The following SLC6A6 variants were observed in gnomAD, a reference collection of about 807,000 sequenced individuals.
The protein encoded by SLC6A6 is solute carrier family 6 member 6, also known as sodium- and chloride-dependent taurine transporter.
In SLC6A6, 16 loss-of-function variants were observed where a neutral mutation model predicts 68.8. That is an observed-to-expected ratio of 0.23 (90% CI 0.16 to 0.35). The LOEUF is 0.35. Among genes scored for constraint, SLC6A6 ranks in the 10% least tolerant of loss-of-function variants. SLC6A6 has a pLI of 1.00. For synonymous variants in SLC6A6, 312 were observed against 315.4 expected (o/e 0.99, Z 0.12); for missense variants, 474 against 802.8 (o/e 0.59, Z 4.95).
At chr3:14,441,583 G>A (rs1198563508) in intron 2 of SLC6A6, among the ~76,000 whole-genome samples, 2 of 152,222 alleles carry the variant, frequency 1.3e-5, no homozygotes, top group Non-Finnish European at 2.9e-5. Flanking sequence ...CCCCGAGCCA[G>A]GGAGAGGAAG....
chr3:14,420,567 T>C (rs1699464011), intron 2 of SLC6A6, among the ~76,000 whole-genome samples: 1 of 150,070 alleles, frequency 6.7e-6, no homozygotes, highest in Admixed American at 6.7e-5. Flanking sequence ...CATAGCTCGC[T>C]ACAGCCTTGA....
intron 6 of SLC6A6, among the ~76,000 whole-genome samples, chr3:14,458,405 A>C (rs1467580341): frequency 6.6e-6 from 1 of 152,204 alleles, no homozygotes; most frequent in Non-Finnish European, 1.5e-5. Flanking sequence ...TCTCATCTCA[A>C]GGTATTGGCA....
chr3:14,463,841 G>A (rs943366284), intron 6 of SLC6A6, among the ~76,000 whole-genome samples: 1 of 152,172 alleles, frequency 6.6e-6, no homozygotes, highest in Admixed American at 6.5e-5. Flanking sequence ...GCAGCAGTAG[G>A]GCCCAGCCTG....
chr3:14,453,359 C>T (rs927322226), intron 5 of SLC6A6, among the ~76,000 whole-genome samples: 1 of 152,180 alleles, frequency 6.6e-6, no homozygotes, highest in South Asian at 2.1e-4. Flanking sequence ...ATGAGACAGA[C>T]GAGGAAGCTG....
chr3:14,402,595 T>C (rs1270233538), upstream of SLC6A6: 3 of 396,802 alleles, frequency 7.6e-6, no homozygotes, highest in Non-Finnish European at 1.3e-5. The surrounding 1 kb of genome is among the most constrained non-coding windows in gnomAD (Gnocchi z 4.8). Flanking sequence ...CCCAGCAGGA[T>C]GGGTGATGCT....
At chr3:14,456,647 G>A (rs1401842663) in intron 5 of SLC6A6, among the ~76,000 whole-genome samples, 2 of 152,234 alleles carry the variant, frequency 1.3e-5, no homozygotes, top group East Asian at 1.9e-4. Flanking sequence ...GTAATCCCAC[G>A]GACTGGCTGA....
intron 1 of SLC6A6, among the ~76,000 whole-genome samples, chr3:14,413,438 T>G (rs1301701006): frequency 6.6e-6 from 1 of 152,182 alleles, no homozygotes; most frequent in African/African-American, 2.4e-5. Context: ...GGCTTTATTT[T>G]TGCACTGAGC....
At chr3:14,464,888 A>T (rs1430443549) in intron 6 of SLC6A6, among the ~76,000 whole-genome samples, 17 of 152,198 alleles carry the variant, frequency 1.1e-4, no homozygotes, top group Non-Finnish European at 2.9e-5. Context: ...GGTGGCCACC[A>T]TGAACTTTCT....
intron 6 of SLC6A6, among the ~76,000 whole-genome samples, chr3:14,462,438 C>T (rs977669881): frequency 6.6e-6 from 1 of 152,182 alleles, no homozygotes; most frequent in Non-Finnish European, 1.5e-5. Context: ...TAGCTCACAC[C>T]TGTAATCCCA....
At chr3:14,431,788 C>T (rs780094468) in intron 2 of SLC6A6, among the ~76,000 whole-genome samples, 1 of 152,040 alleles carries the variant, frequency 6.6e-6, no homozygotes, top group Admixed American at 6.5e-5. Flanking sequence ...TTTCTGAGTC[C>T]GAGTGAGGTG....
At chr3:14,464,904 T>A (rs1316268388) in intron 6 of SLC6A6, among the ~76,000 whole-genome samples, 2 of 152,216 alleles carry the variant, frequency 1.3e-5, no homozygotes, top group African/African-American at 4.8e-5. Flanking sequence ...TTTCTGCATG[T>A]CGAAGTAAAA....
At chr3:14,410,880 A>T (rs145305975) in intron 1 of SLC6A6, among the ~76,000 whole-genome samples, 1 of 152,330 alleles carries the variant, frequency 6.6e-6, no homozygotes, top group East Asian at 1.9e-4. Context: ...CAGCAGAGTC[A>T]TGCTTACTGA....
intron 13 of SLC6A6, 113 bp downstream of exon 13, chr3:14,479,298 A>G: frequency 1.4e-6 from 1 of 723,908 alleles, no homozygotes. Context: ...CTTATAATAA[A>G]CCCAGCTTCA....
At chr3:14,434,996 T>C (rs1389257194) in intron 2 of SLC6A6, among the ~76,000 whole-genome samples, 1 of 152,240 alleles carries the variant, frequency 6.6e-6, no homozygotes, top group Non-Finnish European at 1.5e-5. Context: ...ATTAGACTCA[T>C]ACCGTGTCTC....
chr3:14,466,435 C>T (rs992001605), intron 6 of SLC6A6, 81 bp from the exon 7 acceptor site: 9 of 1,489,890 alleles, frequency 6.0e-6, no homozygotes, highest in Non-Finnish European at 8.2e-6. Flanking sequence ...CAGTGCTCCC[C>T]TCTGCCTCTC....
intron 1 of SLC6A6, among the ~76,000 whole-genome samples, chr3:14,406,300 G>A (rs1168773987): frequency 6.6e-6 from 1 of 152,052 alleles, no homozygotes; most frequent in African/African-American, 2.4e-5. Flanking sequence ...GTGAGCCACC[G>A]TGCCAGCCGG....
At chr3:14,469,665 C>A (rs577500389) in intron 9 of SLC6A6, among the ~76,000 whole-genome samples, 1 of 152,298 alleles carries the variant, frequency 6.6e-6, no homozygotes, top group Admixed American at 6.5e-5. Flanking sequence ...TCCTGCCATC[C>A]AGCCCACCCT....
In SLC6A6 at chr3:14,486,702, C is replaced by T. The variant is rs1197544348; in HGVS notation, c.*1695C>T. The T allele has an allele frequency of 6.5e-6, 1 of 152,762 alleles. No homozygotes were observed. The highest frequency in any genetic ancestry group is 1.9e-4 in the East Asian group (1 of 5,184). 9.5% of individuals were successfully genotyped at this position (152,762 alleles called of 1,614,324 possible). A position where few individuals can be genotyped will look rare whatever the true frequency, so the allele number is the denominator to read the frequency against. On this transcript the variant is annotated 3_prime_UTR_variant, in exon 15 of 15. Coordinates refer to ENST00000622186, the MANE Select transcript of SLC6A6 (RefSeq NM_003043.6). The stretch of plus-strand genomic sequence containing the variant: ...CCACGCACAAAGGCAGTCACTGCCT[C>T]GAGGGGTGCAGACCGCAGAATTTTC...
At chr3:14,406,990 C>T (rs964460135) in intron 1 of SLC6A6, among the ~76,000 whole-genome samples, 2 of 152,096 alleles carry the variant, frequency 1.3e-5, no homozygotes, top group African/African-American at 4.8e-5. Context: ...CCAGCCTGGA[C>T]ATACTGAATC....
Sources: gnomAD v4.1 joint callset for allele counts (sites outside exome capture counted in the v4.1 genomes callset) on GRCh38, gnomAD v4.1.1 for gene constraint, Gnocchi (gnomAD v3.1) non-coding constraint, MANE v1.5 for transcripts, NCBI Gene and HGNC (gene_info 2026-07-23, HGNC 2026-07-21) for gene names.